The following RAB1A variants were observed in gnomAD, a reference collection of about 807,000 sequenced individuals.
The protein encoded by RAB1A is ras-related protein Rab-1A.
Under a neutral mutation model 26.0 loss-of-function variants are expected in RAB1A, and 2 were observed. The ratio of observed to expected loss-of-function variants is 0.08; its 90% CI spans 0.03 to 0.24. The LOEUF (loss-of-function observed/expected upper bound fraction) is 0.24, where lower values mean the gene tolerates loss of function less well. Ranked by LOEUF, RAB1A falls within the 10% of genes least tolerant of loss-of-function variation. The pLI is 1.00. For missense variants in RAB1A, 100 were observed against 247.0 expected (o/e 0.40, Z 3.99); for synonymous variants, 84 against 84.9 (o/e 0.99, Z 0.06).
chr2:65,103,331 C>A (rs1669481055), intron 2 of RAB1A, among the ~76,000 whole-genome samples: 2 of 74,926 alleles, frequency 2.7e-5, no homozygotes, highest in South Asian at 4.6e-4. Context: ...TTTATGTGAA[C>A]TTCCCATTTC....
intron 3 of RAB1A, among the ~76,000 whole-genome samples, chr2:65,092,905 G>A (rs1017480303): frequency 6.6e-6 from 1 of 152,190 alleles, no homozygotes; most frequent in Non-Finnish European, 1.5e-5. Context: ...CACAAGATCT[G>A]ATGGTCTCAT....
intron 1 of RAB1A, among the ~76,000 whole-genome samples, chr2:65,110,613 G>A (rs915830235): frequency 6.6e-6 from 1 of 152,006 alleles, no homozygotes. Context: ...GAGAAAAACA[G>A]AAAATGACCA....
At chr2:65,097,919 T>C in intron 3 of RAB1A, 52 bp downstream of exon 3, 1 of 1,059,610 alleles carries the variant, frequency 9.4e-7, no homozygotes. Context: ...TAACAATACA[T>C]TACAAATTTA....
chr2:65,090,139 T>C (rs1482629190), intron 4 of RAB1A, among the ~76,000 whole-genome samples: 1 of 152,240 alleles, frequency 6.6e-6, no homozygotes, highest in Non-Finnish European at 1.5e-5. Flanking sequence ...TTTAAAAATA[T>C]TTCACGGTAA....
intron 2 of RAB1A, among the ~76,000 whole-genome samples, chr2:65,103,789 CT>C (rs35396412): frequency 2.2e-4 from 32 of 147,896 alleles, no homozygotes; most frequent in African/African-American, 4.0e-4. Context: ...TATTTTTTTT[CT>C]TTTTTTTTTG....
At chr2:65,090,707 T>G (rs928063592) in intron 4 of RAB1A, among the ~76,000 whole-genome samples, 1 of 152,180 alleles carries the variant, frequency 6.6e-6, no homozygotes, top group African/African-American at 2.4e-5. Context: ...TGCCTATATG[T>G]TAGAGTCTTG....
chr2:65,096,481 C>T (rs1669288759), intron 3 of RAB1A, among the ~76,000 whole-genome samples: 1 of 152,174 alleles, frequency 6.6e-6, no homozygotes, highest in African/African-American at 2.4e-5. Context: ...CACACGAATA[C>T]ACACCCAAAT....
intron 1 of RAB1A, among the ~76,000 whole-genome samples, chr2:65,127,815 G>T (rs2103892490): frequency 6.6e-6 from 1 of 152,230 alleles, no homozygotes; most frequent in Non-Finnish European, 1.5e-5. Flanking sequence ...TTCACTGCAA[G>T]CTCCACCTCC....
intron 1 of RAB1A, among the ~76,000 whole-genome samples, chr2:65,123,095 C>CAT (rs1670008859): frequency 6.7e-6 from 1 of 148,328 alleles, no homozygotes; most frequent in South Asian, 2.1e-4. Flanking sequence ...GAAGAGAAAA[C>CAT]ACACACATAC....
At chr2:65,107,241 T>C (rs1669583032) in intron 1 of RAB1A, among the ~76,000 whole-genome samples, 4 of 151,962 alleles carry the variant, frequency 2.6e-5, no homozygotes, top group African/African-American at 7.3e-5. Context: ...AATTTTTGTA[T>C]TTCTAGTAAA....
Position 65,130,016 on chromosome 2 carries a change from C to A in RAB1A, c.-101G>T. The A allele has an allele frequency of 7.5e-7, 1 of 1,334,372 alleles. No individual in the cohort carries two copies. Among genetic ancestry groups the A allele is most frequent in the Non-Finnish European group, 1.1e-6 (1 of 952,238 alleles). 82.7% of individuals were successfully genotyped at this position (1,334,372 alleles called of 1,614,324 possible). A position where few individuals can be genotyped will look rare whatever the true frequency, so the allele number is the denominator to read the frequency against. On this transcript the variant is annotated 5_prime_UTR_variant, in exon 1 of 6. Coordinates refer to ENST00000409784, the MANE Select transcript of RAB1A (RefSeq NM_004161.5). ...AATCGAAAGAAAGGAATGAGATAGG[C>A]TGTTCCGGGAGAGCAAACGTCTTCC...
chr2:65,125,864 CTTTTTTTTTT>C (rs55930968), intron 1 of RAB1A, among the ~76,000 whole-genome samples: 95 of 74,740 alleles, frequency 1.3e-3, no homozygotes, highest in African/African-American at 4.6e-3. Flanking sequence ...TTTCAATTGC[CTTTTTTTTTT>C]TTTTTTTTTT....
At chr2:65,123,886 C>T (rs1670031640) in intron 1 of RAB1A, among the ~76,000 whole-genome samples, 1 of 127,966 alleles carries the variant, frequency 7.8e-6, no homozygotes, top group South Asian at 2.6e-4. Context: ...GCACTTCCAT[C>T]TTTAAGACAA....
intron 3 of RAB1A, among the ~76,000 whole-genome samples, chr2:65,094,902 G>A (rs920103796): frequency 6.6e-6 from 1 of 152,216 alleles, no homozygotes; most frequent in Non-Finnish European, 1.5e-5. Flanking sequence ...AGAGGTAGAA[G>A]AAAGGTTGTG....
At chr2:65,111,854 C>A (rs2103861827) in intron 1 of RAB1A, among the ~76,000 whole-genome samples, 1 of 152,212 alleles carries the variant, frequency 6.6e-6, no homozygotes, top group South Asian at 2.1e-4. Context: ...GAGGCCCAGG[C>A]AGGTGGATCA....
intron 1 of RAB1A, among the ~76,000 whole-genome samples, chr2:65,124,815 A>G (rs1670058498): frequency 6.6e-6 from 1 of 152,292 alleles, no homozygotes; most frequent in Non-Finnish European, 1.5e-5. Context: ...TTCTCAATAT[A>G]TATATTTTAA....
At chr2:65,118,500 CAG>C (rs1345184657) in intron 1 of RAB1A, among the ~76,000 whole-genome samples, 2 of 151,952 alleles carry the variant, frequency 1.3e-5, no homozygotes, top group African/African-American at 2.4e-5. Flanking sequence ...TTTTTTGAGA[CAG>C]AGTTTTGCTC....
chr2:65,103,304 A>AAAAAAAAAAAACAAAAC lies in RAB1A; in HGVS notation c.96+1429_96+1430insGTTTTGTTTTTTTTTTT, dbSNP rs757626011. Among the ~76,000 whole-genome samples the AAAAAAAAAAAACAAAAC allele has an allele frequency of 9.5e-3, 1,068 of 112,528 alleles. 70 individuals carry two copies. The highest frequency in any genetic ancestry group is 0.073 in the East Asian group (262 of 3,604). 73.8% of individuals were successfully genotyped at this position (112,528 alleles called of 152,430 possible). On this transcript the variant is annotated intron_variant, in intron 2 of 5. Transcript: ENST00000409784. The stretch of plus-strand genomic sequence containing the variant: ...AACACAGCCAGAATCTGTCTCAAAA[A>AAAAAAAAAAAACAAAAC]AAAAAAAAAACATTGTTTTATGTGA...
At chr2:65,091,638 A>G (rs762423324) in intron 3 of RAB1A, among the ~76,000 whole-genome samples, 2 of 151,890 alleles carry the variant, frequency 1.3e-5, no homozygotes, top group Non-Finnish European at 2.9e-5. Flanking sequence ...CAATCCTTCC[A>G]CCTGAGCCTC....
Sources: allele counts gnomAD v4.1 joint callset (sites outside exome capture counted in the v4.1 genomes callset), GRCh38; gene constraint gnomAD v4.1.1; transcripts MANE v1.5; gene names NCBI Gene and HGNC (gene_info 2026-07-23, HGNC 2026-07-21).